Variants in TRMT11 observed in about 807,000 individuals in gnomAD.
TRMT11 encodes the protein tRNA methyltransferase 11.
TRMT11 carries 53 observed loss-of-function variants against 62.8 expected under a neutral mutation model. The ratio of observed to expected loss-of-function variants is 0.84; its 90% CI spans 0.68 to 1.06. TRMT11 has a LOEUF of 1.06. Ranked by LOEUF, TRMT11 falls within the 50% of genes least tolerant of loss-of-function variation. TRMT11 has a pLI of 0.00. For synonymous variants in TRMT11, 188 were observed against 190.3 expected (o/e 0.99, Z 0.10); for missense variants, 556 against 553.4 (o/e 1.00, Z -0.05).
At chr6:126,134,255 G>T (rs889396413) in intron 21 of TRMT11, among the ~76,000 whole-genome samples, 1 of 151,758 alleles carries the variant, frequency 6.6e-6, no homozygotes, top group African/African-American at 2.4e-5. Flanking sequence ...CTACAAGAAA[G>T]TCACTTCACC....
the TRMT11 span, among the ~76,000 whole-genome samples, chr6:126,268,398 C>G: frequency 2.6e-5 from 4 of 152,106 alleles, no homozygotes; most frequent in Non-Finnish European, 4.4e-5. Context: ...GGGAGGTGAA[C>G]TTTTAGCTGT....
chr6:126,082,087 A>C (rs1486218551), intron 17 of TRMT11, among the ~76,000 whole-genome samples: 1 of 152,098 alleles, frequency 6.6e-6, no homozygotes, highest in East Asian at 1.9e-4. Flanking sequence ...CCTAGCCATA[A>C]GGTTGAGTGT....
chr6:126,058,458 T>C (rs982249780), intron 17 of TRMT11, among the ~76,000 whole-genome samples: 4 of 152,204 alleles, frequency 2.6e-5, no homozygotes, highest in African/African-American at 9.6e-5. Flanking sequence ...TATAATCCTT[T>C]AGTTATATAC....
At chr6:126,026,175 C>A (rs1773043373) in intron 12 of TRMT11, among the ~76,000 whole-genome samples, 2 of 152,046 alleles carry the variant, frequency 1.3e-5, no homozygotes, top group South Asian at 4.1e-4. Context: ...ATCCATTTGA[C>A]TTTATTAATT....
At chr6:126,149,153 C>T (rs1415194665) in intron 21 of TRMT11, among the ~76,000 whole-genome samples, 1 of 152,120 alleles carries the variant, frequency 6.6e-6, no homozygotes, top group East Asian at 1.9e-4. Context: ...TGATTTAGGG[C>T]CAGTGTTTCT....
At chr6:126,215,221 A>G in the TRMT11 span, among the ~76,000 whole-genome samples, 1 of 152,076 alleles carries the variant, frequency 6.6e-6, no homozygotes, top group East Asian at 1.9e-4. Context: ...TAGGATGCAG[A>G]TTAAGTCCAA....
chr6:126,010,875 G>A (rs747273409), intron 8 of TRMT11, among the ~76,000 whole-genome samples: 5 of 151,934 alleles, frequency 3.3e-5, no homozygotes, highest in African/African-American at 7.2e-5. Context: ...TCCCAAGTTC[G>A]CTCTCTTCAT....
intron 21 of TRMT11, among the ~76,000 whole-genome samples, chr6:126,119,481 A>T (rs1334317876): frequency 8.7e-5 from 3 of 34,304 alleles, no homozygotes; most frequent in Admixed American, 4.0e-4. Flanking sequence ...CTTCTTTGAT[A>T]AAAAAAAAAA....
the TRMT11 span, among the ~76,000 whole-genome samples, chr6:126,208,995 AG>A: frequency 6.6e-6 from 1 of 152,254 alleles, no homozygotes; most frequent in Non-Finnish European, 1.5e-5. Flanking sequence ...AAGCATTTTC[AG>A]CAGAGATGGA....
chr6:126,258,247 T>A, the TRMT11 span: 16 of 595,384 alleles, frequency 2.7e-5, no homozygotes, highest in Non-Finnish European at 4.3e-5. Context: ...CGCCCGGGCC[T>A]CCTCCTGCGG....
intron 12 of TRMT11, among the ~76,000 whole-genome samples, chr6:126,032,909 G>A (rs756299909): frequency 3.9e-5 from 6 of 152,102 alleles, no homozygotes; most frequent in African/African-American, 7.2e-5. Flanking sequence ...AGATAGTTAT[G>A]GTAGCCAAAA....
intron 21 of TRMT11, among the ~76,000 whole-genome samples, chr6:126,162,235 G>A (rs1002306751): frequency 2.0e-5 from 3 of 152,072 alleles, no homozygotes; most frequent in Non-Finnish European, 4.4e-5. Flanking sequence ...GTTAATTTTT[G>A]TATAAGGTGT....
chr6:126,011,413 T>C lies in TRMT11; in HGVS notation c.921T>C (p.Thr307=). Residue 307 remains threonine (T), a synonymous_variant, in exon 9 of 13, where the codon ACT becomes ACC. Transcript: ENST00000334379. ...GCACATATTTTGATGCAATCATTACTGATCGTAAGTTTATTTTTATACAAA... is the reference window on the plus strand; with the variant it reads ...GCACATATTTTGATGCAATCATTACCGATCGTAAGTTTATTTTTATACAAA... ...RKGTYFDAII[T]DPPYGIREST... is the part of the protein sequence containing the mutation. The C allele has an allele frequency of 6.2e-7, 1 of 1,607,670 alleles. No individual in the cohort carries two copies. The highest frequency in any genetic ancestry group is 8.5e-7 in the Non-Finnish European group (1 of 1,177,506).
At chr6:126,042,050 A>G (rs576131995), downstream of TRMT11, among the ~76,000 whole-genome samples, 9 of 152,322 alleles carry the variant, frequency 5.9e-5, no homozygotes, top group South Asian at 1.9e-3. Context: ...ACACATGGAG[A>G]CAATAACAGC....
intron 17 of TRMT11, among the ~76,000 whole-genome samples, chr6:126,100,301 A>G (rs568650722): frequency 9.2e-5 from 14 of 152,290 alleles, no homozygotes; most frequent in African/African-American, 3.1e-4. Context: ...CTATGAGATT[A>G]TGATTTGCTG....
chr6:126,135,919 C>T (rs374474474), intron 21 of TRMT11, among the ~76,000 whole-genome samples: 42 of 151,834 alleles, frequency 2.8e-4, no homozygotes, highest in African/African-American at 8.9e-4. Flanking sequence ...TGAAAAAGCA[C>T]TTGATAAAAT....
At chr6:126,105,529 A>G (rs1171385463) in intron 17 of TRMT11, among the ~76,000 whole-genome samples, 1 of 152,000 alleles carries the variant, frequency 6.6e-6, no homozygotes, top group Non-Finnish European at 1.5e-5. Context: ...GTAGAGGCAC[A>G]GCTCCCCCAG....
At chr6:126,223,274 A>G in the TRMT11 span, among the ~76,000 whole-genome samples, 3 of 152,072 alleles carry the variant, frequency 2.0e-5, no homozygotes, top group African/African-American at 4.8e-5. Context: ...ACAAAAAATT[A>G]GCTGGGCATG....
At chr6:126,045,808 A>G (rs761158030) in intron 16 of TRMT11, among the ~76,000 whole-genome samples, 4 of 152,110 alleles carry the variant, frequency 2.6e-5, no homozygotes, top group Non-Finnish European at 5.9e-5. Flanking sequence ...CATGGTTGTT[A>G]AGGAACATGG....
Sources: allele counts gnomAD v4.1 joint callset (sites outside exome capture counted in the v4.1 genomes callset), GRCh38; gene constraint gnomAD v4.1.1; transcripts MANE v1.5; gene names NCBI Gene and HGNC (gene_info 2026-07-23, HGNC 2026-07-21).